Variants in SRD5A2 observed in about 807,000 individuals in gnomAD.
SRD5A2 encodes the protein 3-oxo-5-alpha-steroid 4-dehydrogenase 2.
SRD5A2 carries 30 observed loss-of-function variants against 27.4 expected under a neutral mutation model. That is an observed-to-expected ratio of 1.10 (90% CI 0.82 to 1.49). SRD5A2 has a LOEUF of 1.49. Among genes scored for constraint, SRD5A2 ranks in the 40% most tolerant of loss-of-function variants. SRD5A2 has a pLI of 0.00. For missense variants in SRD5A2, 348 were observed against 323.4 expected (o/e 1.08, Z -0.58); for synonymous variants, 141 against 133.6 (o/e 1.06, Z -0.38).
intron 1 of SRD5A2, among the ~76,000 whole-genome samples, chr2:31,574,504 G>C (rs1217076878): frequency 6.6e-6 from 1 of 152,208 alleles, no homozygotes; most frequent in Non-Finnish European, 1.5e-5. Context: ...TGTGGTAAAA[G>C]TGAAGTGGTC....
chr2:31,643,042 G>T, the SRD5A2 span, among the ~76,000 whole-genome samples: 1 of 152,034 alleles, frequency 6.6e-6, no homozygotes, highest in Non-Finnish European at 1.5e-5. Context: ...GCATGGGAAG[G>T]GACATGGAAA....
At chr2:31,546,514 AT>A (rs1203282859) in intron 1 of SRD5A2, among the ~76,000 whole-genome samples, 1 of 294 alleles carries the variant, frequency 3.4e-3, no homozygotes, top group African/African-American at 0.014. Flanking sequence ...AGAGGCCTTT[AT>A]TCAAAGCCAA....
chr2:31,529,454 C>T lies in SRD5A2; in HGVS notation c.551G>A (p.Gly184Asp). The stretch of plus-strand genomic sequence containing the variant: ...GGCTCCAGAAACATACGTAAACAAG[C>T]CACCTGCGTGCAGAAGAATCGGAAG... ...GEISYRIPQG[G>D]LFTYVSGANF... is the part of the protein sequence containing the mutation. The change falls in exon 4 of 5, where the codon GGC (glycine) becomes GAC (aspartate). Residue 184 changes from glycine (G) to aspartate (D), a missense_variant. By Grantham distance (94) the Gly-to-Asp change is moderately conservative. Coordinates refer to ENST00000622030, the MANE Select transcript of SRD5A2 (RefSeq NM_000348.4). 1 of 1,612,934 alleles carries T rather than the reference C, an allele frequency of 6.2e-7. No individual in the cohort carries two copies. Among genetic ancestry groups the T allele is most frequent in the Non-Finnish European group, 8.5e-7 (1 of 1,179,432 alleles).
rs754016224 is a variant in SRD5A2 at position 31,580,709 on chromosome 2, G to C, written c.192C>G (p.Pro64=). ...FLQELPSFAV[P]AGILARQPLS... ...GGGGCTGCCGGGCGAGGATCCCCGC[G>C]GGCACCGCGAAGGAAGGCAGCTCCT... Residue 64 remains proline, a synonymous_variant, in exon 1 of 5, where the codon CCC becomes CCG. Coordinates refer to ENST00000622030, the MANE Select transcript of SRD5A2 (RefSeq NM_000348.4). The C allele has an allele frequency of 1.2e-6, 2 of 1,604,812 alleles. No homozygotes were observed. Among genetic ancestry groups the C allele is most frequent in the Admixed American group, 1.7e-5 (1 of 59,862 alleles).
chr2:31,545,183 A>G (rs1402504149), intron 1 of SRD5A2, among the ~76,000 whole-genome samples: 1 of 149,222 alleles, frequency 6.7e-6, no homozygotes, highest in African/African-American at 2.4e-5. Context: ...AAACTTTTCC[A>G]AAAAAAAAAT....
chr2:31,594,258 C>T, the SRD5A2 span, among the ~76,000 whole-genome samples: 1 of 152,060 alleles, frequency 6.6e-6, no homozygotes, highest in Non-Finnish European at 1.5e-5. Flanking sequence ...TACAGAATGA[C>T]AGAATACATA....
chr2:31,617,343 C>G, the SRD5A2 span, among the ~76,000 whole-genome samples: 1 of 152,068 alleles, frequency 6.6e-6, no homozygotes, highest in South Asian at 2.1e-4. Flanking sequence ...CCCCTGGGTC[C>G]AGCCATGGAA....
the SRD5A2 span, among the ~76,000 whole-genome samples, chr2:31,641,210 T>A: frequency 6.6e-6 from 1 of 152,142 alleles, no homozygotes; most frequent in African/African-American, 2.4e-5. Flanking sequence ...GAAGACCCTC[T>A]ATATTTAAAC....
the SRD5A2 span, among the ~76,000 whole-genome samples, chr2:31,613,096 C>T: frequency 6.6e-6 from 1 of 152,106 alleles, no homozygotes; most frequent in Non-Finnish European, 1.5e-5. Context: ...AACTTCATGA[C>T]ATTGAGCTGG....
At chr2:31,633,509 G>A in the SRD5A2 span, among the ~76,000 whole-genome samples, 10 of 152,246 alleles carry the variant, frequency 6.6e-5, no homozygotes, top group African/African-American at 2.4e-4. Flanking sequence ...TCAAAGCTGT[G>A]AACTATAAAT....
At chr2:31,615,511 G>C in the SRD5A2 span, among the ~76,000 whole-genome samples, 1 of 152,170 alleles carries the variant, frequency 6.6e-6, no homozygotes, top group Non-Finnish European at 1.5e-5. Flanking sequence ...ACTTGAGGGA[G>C]ATTATTTAGG....
At chr2:31,645,880 T>G in the SRD5A2 span, among the ~76,000 whole-genome samples, 2 of 152,078 alleles carry the variant, frequency 1.3e-5, no homozygotes, top group African/African-American at 4.8e-5. Flanking sequence ...ACATATAAAG[T>G]ATATTCACCT....
chr2:31,586,169 A>G, the SRD5A2 span, among the ~76,000 whole-genome samples: 1 of 152,038 alleles, frequency 6.6e-6, no homozygotes, highest in Non-Finnish European at 1.5e-5. Context: ...GCCGTACCCA[A>G]TGTGTAGTCT....
At chr2:31,560,591 T>C (rs1290622089) in intron 1 of SRD5A2, among the ~76,000 whole-genome samples, 1 of 152,198 alleles carries the variant, frequency 6.6e-6, no homozygotes. Context: ...ATCAGCACTC[T>C]CTCTTCTTTT....
At chr2:31,622,448 A>G in the SRD5A2 span, among the ~76,000 whole-genome samples, 2 of 152,242 alleles carry the variant, frequency 1.3e-5, no homozygotes, top group African/African-American at 2.4e-5. Context: ...ATACTTGAAG[A>G]ACTGGTAGTC....
the SRD5A2 span, among the ~76,000 whole-genome samples, chr2:31,594,466 T>C: frequency 6.6e-6 from 1 of 152,204 alleles, no homozygotes; most frequent in Non-Finnish European, 1.5e-5. Flanking sequence ...AAGGATGTTA[T>C]ATAATGACAA....
intron 1 of SRD5A2, among the ~76,000 whole-genome samples, chr2:31,574,742 T>C (rs1236540000): frequency 6.6e-6 from 1 of 152,236 alleles, no homozygotes; most frequent in African/African-American, 2.4e-5. Context: ...TGCTTTGCTA[T>C]AGAATTTAAC....
intron 2 of SRD5A2, among the ~76,000 whole-genome samples, chr2:31,533,265 G>A (rs1665953945): frequency 6.6e-6 from 1 of 152,136 alleles, no homozygotes; most frequent in Admixed American, 6.5e-5. Flanking sequence ...AAGGCCACTG[G>A]CACTGGAGCA....
chr2:31,632,689 A>T, the SRD5A2 span, among the ~76,000 whole-genome samples: 7 of 152,128 alleles, frequency 4.6e-5, no homozygotes, highest in African/African-American at 7.2e-5. Flanking sequence ...TAGGACACGC[A>T]GTCACTAGAT....
Sources: allele counts gnomAD v4.1 joint callset (sites outside exome capture counted in the v4.1 genomes callset), GRCh38; gene constraint gnomAD v4.1.1; transcripts MANE v1.5; gene names NCBI Gene and HGNC (gene_info 2026-07-23, HGNC 2026-07-21).